Variants in MAML2 observed in about 807,000 individuals in gnomAD.
MAML2 encodes the protein mastermind-like protein 2.
Under a neutral mutation model 96.1 loss-of-function variants are expected in MAML2, and 22 were observed. The observed-to-expected ratio is 0.23, with a 90% CI of 0.16 to 0.33. MAML2 has a LOEUF of 0.33. Among genes scored for constraint, MAML2 ranks in the 10% least tolerant of loss-of-function variants. The pLI, the probability that MAML2 is intolerant of heterozygous loss-of-function variation, is 1.00. For missense variants in MAML2, 1,367 were observed against 1,392.4 expected, an observed-to-expected ratio of 0.98 and a Z score of 0.29; for synonymous variants, 561 against 521.3, an observed-to-expected ratio of 1.08 and a Z score of -1.04.
chr11:96,320,815 GA>G (rs917169125), intron 1 of MAML2, among the ~76,000 whole-genome samples: 1 of 152,124 alleles, frequency 6.6e-6, no homozygotes, highest in Non-Finnish European at 1.5e-5. Flanking sequence ...GAGAGAAATG[GA>G]AAAACCAGAG....
intron 1 of MAML2, among the ~76,000 whole-genome samples, chr11:96,290,899 T>C (rs551353750): frequency 2.0e-4 from 31 of 152,306 alleles, no homozygotes; most frequent in African/African-American, 7.5e-4. Context: ...GTTGGGTTTT[T>C]CTGTTTCATT....
At chr11:96,010,626 A>G (rs1858252483) in intron 2 of MAML2, among the ~76,000 whole-genome samples, 2 of 152,242 alleles carry the variant, frequency 1.3e-5, no homozygotes, top group Admixed American at 1.3e-4. Flanking sequence ...AGAGAGAACA[A>G]TAGAGACACA....
chr11:96,157,417 G>A (rs1352211233), intron 1 of MAML2, among the ~76,000 whole-genome samples: 1 of 152,260 alleles, frequency 6.6e-6, no homozygotes, highest in Non-Finnish European at 1.5e-5. Flanking sequence ...TGGAGGAACA[G>A]CGAGTGCTAC....
intron 1 of MAML2, among the ~76,000 whole-genome samples, chr11:96,184,016 T>C (rs1861533172): frequency 6.6e-6 from 1 of 152,206 alleles, no homozygotes; most frequent in Admixed American, 6.5e-5. Context: ...GGCCAAAAGT[T>C]TGCATTTGCA....
chr11:96,218,582 G>A (rs1862084403), intron 1 of MAML2, among the ~76,000 whole-genome samples: 1 of 152,154 alleles, frequency 6.6e-6, no homozygotes, highest in South Asian at 2.1e-4. Flanking sequence ...TGCCCCATTG[G>A]TCTCATTTTA....
At chr11:96,215,988 C>T (rs1862043704) in intron 1 of MAML2, among the ~76,000 whole-genome samples, 1 of 151,972 alleles carries the variant, frequency 6.6e-6, no homozygotes, top group African/African-American at 2.4e-5. Context: ...AAGTTTAAGG[C>T]TGAGACATGT....
chr11:96,227,648 TA>T (rs1862234167), intron 1 of MAML2, among the ~76,000 whole-genome samples: 1 of 152,212 alleles, frequency 6.6e-6, no homozygotes. Context: ...TTCTCATGGG[TA>T]AAATGGAAAT....
chr11:96,177,661 T>A (rs1861408111), intron 1 of MAML2, among the ~76,000 whole-genome samples: 1 of 152,236 alleles, frequency 6.6e-6, no homozygotes. Context: ...AGTCTCTTTC[T>A]ATTATTTTCA....
At chr11:96,176,321 T>A (rs775754402) in intron 1 of MAML2, among the ~76,000 whole-genome samples, 1 of 152,262 alleles carries the variant, frequency 6.6e-6, no homozygotes, top group Non-Finnish European at 1.5e-5. Context: ...GAAAACTGAA[T>A]AAGCTGTCAA....
In MAML2 at chr11:96,341,738, C is replaced by G; in HGVS notation, c.158G>C (p.Ser53Thr). ...RIAVCRQHHL[S>T]CEGRYERGRA... ...ACCTCGTTCATATCGTCCTTCACAG[C>G]TCAGGTGGTGTTGGCGGCAGACAGC... The change falls in exon 1 of 5, where the codon AGC (serine) becomes ACC (threonine). Residue 53 changes from serine (S) to threonine (T), a missense_variant. Coordinates refer to ENST00000524717, the MANE Select transcript of MAML2 (RefSeq NM_032427.4). The G allele has an allele frequency of 1.2e-6, 2 of 1,613,202 alleles. No individual in the cohort carries two copies. The highest frequency in any genetic ancestry group is 1.7e-6 in the Non-Finnish European group (2 of 1,179,678).
At chr11:96,122,502 GT>G (rs1860367099) in intron 1 of MAML2, among the ~76,000 whole-genome samples, 1 of 69,848 alleles carries the variant, frequency 1.4e-5, no homozygotes, top group African/African-American at 5.0e-5. Context: ...GGCTGGGTGT[GT>G]GTGTGTGTGT....
intron 1 of MAML2, among the ~76,000 whole-genome samples, chr11:96,335,670 G>A (rs1171220883): frequency 6.6e-6 from 1 of 152,192 alleles, no homozygotes; most frequent in African/African-American, 2.4e-5. Context: ...TTGTCTTCAA[G>A]TATATGAAGG....
At chr11:96,002,080 T>C (rs1365033435) in intron 2 of MAML2, among the ~76,000 whole-genome samples, 1 of 152,176 alleles carries the variant, frequency 6.6e-6, no homozygotes, top group Non-Finnish European at 1.5e-5. Flanking sequence ...GGCCCTCTCC[T>C]GTGCTTTTGT....
At chr11:96,259,193 A>G (rs147085437) in intron 1 of MAML2, among the ~76,000 whole-genome samples, 1 of 152,294 alleles carries the variant, frequency 6.6e-6, no homozygotes, top group Non-Finnish European at 1.5e-5. Context: ...CAATTTTCTA[A>G]GTGAAGGCCA....
chr11:95,993,620 A>G (rs1164543980), intron 2 of MAML2, among the ~76,000 whole-genome samples: 1 of 152,170 alleles, frequency 6.6e-6, no homozygotes, highest in African/African-American at 2.4e-5. Context: ...CCATGATACC[A>G]CATGAGTAGA....
chr11:96,222,583 T>C (rs1010437416), intron 1 of MAML2, among the ~76,000 whole-genome samples: 1 of 152,120 alleles, frequency 6.6e-6, no homozygotes, highest in African/African-American at 2.4e-5. Flanking sequence ...CAAGGGATAA[T>C]GAGATATCAT....
At chr11:96,055,022 AC>A (rs1473780617) in intron 2 of MAML2, among the ~76,000 whole-genome samples, 2 of 152,160 alleles carry the variant, frequency 1.3e-5, no homozygotes, top group Admixed American at 1.3e-4. Context: ...TATTTTGGTT[AC>A]AGTATCTTAG....
chr11:96,272,654 T>G (rs1315443049), intron 1 of MAML2, among the ~76,000 whole-genome samples: 1 of 152,190 alleles, frequency 6.6e-6, no homozygotes, highest in Non-Finnish European at 1.5e-5. Flanking sequence ...CAAACACCAG[T>G]ATTTGGCCTT....
chr11:96,087,688 G>A (rs1859639645), intron 2 of MAML2, among the ~76,000 whole-genome samples: 1 of 152,032 alleles, frequency 6.6e-6, no homozygotes, highest in African/African-American at 2.4e-5. Flanking sequence ...GCTTTTTTAG[G>A]ACTTTGGCTT....
Sources: allele counts gnomAD v4.1 joint callset (sites outside exome capture counted in the v4.1 genomes callset), GRCh38; gene constraint gnomAD v4.1.1; transcripts MANE v1.5; gene names NCBI Gene and HGNC (gene_info 2026-07-23, HGNC 2026-07-21).